The following SCAPER variants were observed in gnomAD, a reference collection of about 807,000 sequenced individuals.
SCAPER encodes the protein S-phase cyclin A associated protein in the ER, also known as S phase cyclin A-associated protein in the endoplasmic reticulum.
In SCAPER, 98 loss-of-function variants were observed where a neutral mutation model predicts 182.2. The observed-to-expected ratio is 0.54, with a 90% CI of 0.46 to 0.64. SCAPER has a LOEUF of 0.64. Ranked by LOEUF, SCAPER falls within the 30% of genes least tolerant of loss-of-function variation. The pLI, the probability that SCAPER is intolerant of heterozygous loss-of-function variation, is 0.00. For synonymous variants in SCAPER, 605 were observed against 564.6 expected (o/e 1.07, Z -1.01); for missense variants, 1,432 against 1,690.0 (o/e 0.85, Z 2.68).
At chr15:76,813,023 T>C (rs530650851) in intron 5 of SCAPER, among the ~76,000 whole-genome samples, 25 of 113,126 alleles carry the variant, frequency 2.2e-4, no homozygotes, top group Non-Finnish European at 3.8e-4. Flanking sequence ...TGCTCAATAC[T>C]AGGGAACCAA....
At chr15:76,765,315 A>G (rs906886106) in intron 13 of SCAPER, 22 bp downstream of exon 13, 1 of 1,578,326 alleles carries the variant, frequency 6.3e-7, no homozygotes, top group Admixed American at 1.7e-5. Flanking sequence ...AACCATTTCA[A>G]ATTAATTTTC....
intron 23 of SCAPER, among the ~76,000 whole-genome samples, chr15:76,567,910 T>C (rs2047160298): frequency 6.6e-6 from 1 of 152,106 alleles, no homozygotes; most frequent in South Asian, 2.1e-4. Flanking sequence ...TATTGTTAAT[T>C]TCTTTTGTGT....
intron 22 of SCAPER, among the ~76,000 whole-genome samples, chr15:76,606,541 G>A (rs1054679538): frequency 5.3e-5 from 8 of 151,972 alleles, no homozygotes; most frequent in Non-Finnish European, 1.0e-4. Flanking sequence ...TCCACTTGGT[G>A]CAGAGCTGAG....
At chr15:76,681,798 AG>A (rs749787428) in intron 20 of SCAPER, among the ~76,000 whole-genome samples, 104 of 152,258 alleles carry the variant, frequency 6.8e-4, no homozygotes, top group Admixed American at 6.5e-4. Flanking sequence ...GAGGGGCGGT[AG>A]GGGCAAGACT....
intron 25 of SCAPER, among the ~76,000 whole-genome samples, chr15:76,437,350 C>T (rs538834896): frequency 2.0e-5 from 3 of 152,096 alleles, no homozygotes; most frequent in African/African-American, 7.2e-5. Flanking sequence ...CAATCATGTG[C>T]TTTCCAGATT....
chr15:76,401,937 G>A (rs921221067), intron 27 of SCAPER, among the ~76,000 whole-genome samples: 6 of 152,100 alleles, frequency 3.9e-5, no homozygotes, highest in African/African-American at 1.4e-4. Flanking sequence ...GACCAGACTG[G>A]CCAACATGGT....
At chr15:76,469,092 A>G (rs1189254555) in intron 25 of SCAPER, among the ~76,000 whole-genome samples, 1 of 152,196 alleles carries the variant, frequency 6.6e-6, no homozygotes, top group Non-Finnish European at 1.5e-5. Context: ...CATCTATATT[A>G]TGACATATGA....
chr15:76,853,461 T>C (rs1017571857), intron 4 of SCAPER, among the ~76,000 whole-genome samples: 1 of 151,552 alleles, frequency 6.6e-6, no homozygotes, highest in Non-Finnish European at 1.5e-5. Context: ...CAGCAGTACA[T>C]TAAAAATCAA....
At chr15:76,871,700 C>T (rs1233417020) in intron 2 of SCAPER, among the ~76,000 whole-genome samples, 1 of 151,134 alleles carries the variant, frequency 6.6e-6, no homozygotes, top group African/African-American at 2.4e-5. Flanking sequence ...AAGCAATTCT[C>T]CTGCTTCAGC....
At chr15:76,848,812 C>G (rs2070412890) in intron 4 of SCAPER, among the ~76,000 whole-genome samples, 1 of 152,090 alleles carries the variant, frequency 6.6e-6, no homozygotes, top group Non-Finnish European at 1.5e-5. Flanking sequence ...CCACAGCCAC[C>G]ATACAGACAG....
chr15:76,764,855 C>A (rs1193664430), intron 14 of SCAPER, 106 bp downstream of exon 14: 5 of 623,084 alleles, frequency 8.0e-6, no homozygotes, highest in Non-Finnish European at 1.3e-5. Flanking sequence ...CCTAGCAAAT[C>A]TAATTATTTT....
Position 76,495,253 on chromosome 15 carries a change from GC to G in SCAPER, c.2954+9605del, listed in dbSNP as rs144243919. On this transcript the variant is annotated intron_variant, in intron 24 of 31. Coordinates refer to ENST00000563290, the MANE Select transcript of SCAPER (RefSeq NM_020843.4). The stretch of plus-strand genomic sequence containing the variant: ...ACAACCCAATCCGGAATGAAGTTTT[GC>G]ATTTCTCACTGGTGAGGGAGAGAGG... Among the ~76,000 whole-genome samples, 1,236 of 152,136 alleles carry G rather than the reference GC, an allele frequency of 8.1e-3. 12 individuals are homozygous for G. The highest frequency in any genetic ancestry group is 0.028 in the African/African-American group (1,172 of 41,498).
intron 22 of SCAPER, among the ~76,000 whole-genome samples, chr15:76,575,558 T>C (rs985005189): frequency 1.3e-5 from 2 of 152,226 alleles, no homozygotes; most frequent in Non-Finnish European, 2.9e-5. Flanking sequence ...CAGGACTAAT[T>C]TCACCACACA....
At chr15:76,854,399 C>A (rs1236908281) in intron 4 of SCAPER, among the ~76,000 whole-genome samples, 2 of 152,014 alleles carry the variant, frequency 1.3e-5, no homozygotes, top group Non-Finnish European at 2.9e-5. Flanking sequence ...ATACAGCTAA[C>A]CAGGGAGGAG....
At chr15:76,455,940 C>G (rs2048702328) in intron 25 of SCAPER, among the ~76,000 whole-genome samples, 1 of 152,042 alleles carries the variant, frequency 6.6e-6, no homozygotes. Flanking sequence ...TTTTCTCTTA[C>G]TTTGCTGAAG....
intron 24 of SCAPER, among the ~76,000 whole-genome samples, chr15:76,503,629 C>T (rs897062400): frequency 3.9e-5 from 6 of 152,104 alleles, no homozygotes; most frequent in African/African-American, 9.7e-5. Flanking sequence ...TTATTTCAAC[C>T]GGTCCCATAG....
At chr15:76,473,955 G>A (rs534469229) in intron 24 of SCAPER, among the ~76,000 whole-genome samples, 105 of 152,024 alleles carry the variant, frequency 6.9e-4, no homozygotes, top group Non-Finnish European at 9.6e-4. Flanking sequence ...AGGATTACAC[G>A]CGTGTGCCAC....
chr15:76,771,135 G>A (rs1453508031), intron 10 of SCAPER, among the ~76,000 whole-genome samples: 1 of 152,012 alleles, frequency 6.6e-6, no homozygotes, highest in Non-Finnish European at 1.5e-5. Context: ...TGGAAAGCTA[G>A]TTTTTAAACA....
chr15:76,685,966 A>G (rs2058016670), intron 20 of SCAPER, among the ~76,000 whole-genome samples: 1 of 152,116 alleles, frequency 6.6e-6, no homozygotes. Flanking sequence ...ACAAAACTTC[A>G]AAACACTTAA....
Sources: allele counts gnomAD v4.1 joint callset (sites outside exome capture counted in the v4.1 genomes callset), GRCh38; gene constraint gnomAD v4.1.1; transcripts MANE v1.5; gene names NCBI Gene and HGNC (gene_info 2026-07-23, HGNC 2026-07-21).